Variants in HMG20A observed in about 807,000 individuals in gnomAD.
The protein encoded by HMG20A is high mobility group 20A, also known as high mobility group protein 20A.
Under a neutral mutation model 43.9 loss-of-function variants are expected in HMG20A, and 17 were observed. The ratio of observed to expected loss-of-function variants is 0.39; its 90% CI spans 0.27 to 0.58. The LOEUF (loss-of-function observed/expected upper bound fraction) is 0.58. Among genes scored for constraint, HMG20A ranks in the 20% least tolerant of loss-of-function variants. The pLI is 0.59. For missense variants in HMG20A, 341 were observed against 438.2 expected, an observed-to-expected ratio of 0.78 and a Z score of 1.98; for synonymous variants, 132 against 147.5, an observed-to-expected ratio of 0.89 and a Z score of 0.76.
chr15:77,422,919 A>G (rs553754886), intron 1 of HMG20A, among the ~76,000 whole-genome samples: 1 of 152,306 alleles, frequency 6.6e-6, no homozygotes, highest in Admixed American at 6.5e-5. Flanking sequence ...TTCTATATTA[A>G]TGTAATATAG....
chr15:77,454,600 A>G (rs1216707065), intron 1 of HMG20A, among the ~76,000 whole-genome samples: 1 of 152,204 alleles, frequency 6.6e-6, no homozygotes, highest in Non-Finnish European at 1.5e-5. Context: ...ATACATTTAT[A>G]GTAATACTCT....
At chr15:77,490,959 CAT>C in the HMG20A span, among the ~76,000 whole-genome samples, 34 of 152,314 alleles carry the variant, frequency 2.2e-4, no homozygotes, top group African/African-American at 7.9e-4. Context: ...CATGTGCACA[CAT>C]GTAGATCCAG....
At position 77,426,212 on chromosome 15, in the gene HMG20A, C is replaced by T. The variant is rs889421865; in HGVS notation, c.-5+5208C>T. On this transcript the variant is annotated intron_variant, in intron 1 of 9. Transcript: ENST00000336216. ...CTTATATACTAAAATATCTTGTATA[C>T]TAATATACAGTTGACACCTGAACAA... Among the ~76,000 whole-genome samples the T allele has an allele frequency of 2.0e-5, 3 of 152,110 alleles. No homozygotes were observed. The South Asian group carries it at 6.2e-4, about 31-fold the overall frequency.
At position 77,479,286 on chromosome 15, in the gene HMG20A, C is replaced by T. The variant is rs368063098; in HGVS notation, c.1015C>T (p.Arg339Ter). 5 of 1,613,890 alleles carry T rather than the reference C, an allele frequency of 3.1e-6. No homozygotes were observed. The highest frequency in any genetic ancestry group is 4.2e-6 in the Non-Finnish European group (5 of 1,179,968). ...QDNENFIATV[R>*]EVVNRLDR The stretch of plus-strand genomic sequence containing the variant: ...CAATGAAAACTTCATAGCTACAGTT[C>T]GAGAAGTTGTGAACAGACTCGATCG... Residue 339 changes from arginine (R) to a stop codon, truncating the protein, a stop_gained, in exon 9 of 10, where the codon CGA becomes TGA. Transcript: ENST00000336216. LOFTEE classifies it high-confidence loss of function.
chr15:77,455,171 G>A (rs1037779358), intron 1 of HMG20A, among the ~76,000 whole-genome samples: 1 of 151,448 alleles, frequency 6.6e-6, no homozygotes, highest in Non-Finnish European at 1.5e-5. Context: ...TCACATTGGT[G>A]TGATCATCCC....
chr15:77,454,664 T>C (rs1319549732), intron 1 of HMG20A, among the ~76,000 whole-genome samples: 1 of 152,208 alleles, frequency 6.6e-6, no homozygotes, highest in Non-Finnish European at 1.5e-5. Context: ...AGAGTTGATC[T>C]ACTTCTAGTG....
chr15:77,452,798 A>G (rs1015234608), intron 1 of HMG20A, among the ~76,000 whole-genome samples: 1 of 152,274 alleles, frequency 6.6e-6, no homozygotes, highest in South Asian at 2.1e-4. Flanking sequence ...GACCACTATC[A>G]AAGTGAAAAG....
chr15:77,444,660 C>CA (rs2073653513), intron 1 of HMG20A, among the ~76,000 whole-genome samples: 1 of 152,134 alleles, frequency 6.6e-6, no homozygotes, highest in Admixed American at 6.5e-5. Flanking sequence ...AGTAGGTTAT[C>CA]AAAGGAGAAA....
chr15:77,505,810 C>T, the HMG20A span, among the ~76,000 whole-genome samples: 6 of 152,208 alleles, frequency 3.9e-5, no homozygotes. Context: ...CAGGGGCTCC[C>T]GGGAGTAGAT....
intron 7 of HMG20A, among the ~76,000 whole-genome samples, chr15:77,477,884 G>A (rs1442131721): frequency 6.6e-6 from 1 of 152,124 alleles, no homozygotes; most frequent in Non-Finnish European, 1.5e-5. Flanking sequence ...AAACTTACAT[G>A]GGAGTCCAAA....
At chr15:77,441,944 C>T (rs775189894) in intron 1 of HMG20A, among the ~76,000 whole-genome samples, 4 of 152,018 alleles carry the variant, frequency 2.6e-5, no homozygotes, top group Non-Finnish European at 5.9e-5. Context: ...TTTTCTTTTT[C>T]GTGTAAGGCA....
intron 1 of HMG20A, among the ~76,000 whole-genome samples, chr15:77,443,379 G>GATTATTATTATTATTATTATT (rs58715798): frequency 2.7e-4 from 35 of 131,316 alleles, no homozygotes; most frequent in Non-Finnish European, 4.8e-4. Context: ...TGATGATGAT[G>GATTATTATTATTATTATTATT]ATTATTATTA....
chr15:77,464,663 A>G (rs778326920), intron 3 of HMG20A: 7 of 294,518 alleles, frequency 2.4e-5, no homozygotes, highest in African/African-American at 8.7e-5. Flanking sequence ...GAATGATTTA[A>G]TCATTAATAA....
downstream of HMG20A, among the ~76,000 whole-genome samples, chr15:77,488,967 A>G (rs1388731053): frequency 1.3e-5 from 2 of 152,224 alleles, no homozygotes; most frequent in African/African-American, 4.8e-5. Flanking sequence ...TGCTGGGTTC[A>G]GGTCTGGATT....
At chr15:77,452,478 T>C (rs1011528143) in intron 1 of HMG20A, among the ~76,000 whole-genome samples, 1 of 152,078 alleles carries the variant, frequency 6.6e-6, no homozygotes, top group African/African-American at 2.4e-5. Context: ...TAAGATGAGA[T>C]GTGAAGGATA....
At chr15:77,486,397 A>T (rs922124271), downstream of HMG20A, among the ~76,000 whole-genome samples, 2 of 151,232 alleles carry the variant, frequency 1.3e-5, no homozygotes. Flanking sequence ...AGTAGCTGGG[A>T]TTACAGGTGC....
intron 1 of HMG20A, among the ~76,000 whole-genome samples, chr15:77,451,887 A>G (rs997736128): frequency 3.9e-5 from 6 of 152,224 alleles, no homozygotes; most frequent in African/African-American, 1.4e-4. Flanking sequence ...GTGAATGGAA[A>G]GTTGAAAATT....
At chr15:77,459,155 G>C (rs1442420522) in intron 2 of HMG20A, among the ~76,000 whole-genome samples, 3 of 152,172 alleles carry the variant, frequency 2.0e-5, no homozygotes, top group Non-Finnish European at 4.4e-5. Flanking sequence ...ATATTCTTTA[G>C]AGCTGTTTAA....
chr15:77,474,823 C>T (rs1182665504), intron 6 of HMG20A, among the ~76,000 whole-genome samples: 4 of 152,168 alleles, frequency 2.6e-5, no homozygotes, highest in Admixed American at 1.3e-4. Flanking sequence ...GCACATATCA[C>T]ACTCTTTGAA....
Sources: allele counts gnomAD v4.1 joint callset (sites outside exome capture counted in the v4.1 genomes callset), GRCh38; gene constraint gnomAD v4.1.1; transcripts MANE v1.5; gene names NCBI Gene and HGNC (gene_info 2026-07-23, HGNC 2026-07-21).